C1QTNF3: variants seen among roughly 807,000 people sequenced by gnomAD.
The protein encoded by C1QTNF3 is complement C1q tumor necrosis factor-related protein 3.
C1QTNF3 carries 26 observed loss-of-function variants against 32.6 expected under a neutral mutation model. That is an observed-to-expected ratio of 0.80 (90% confidence interval 0.58 to 1.11). The LOEUF (loss-of-function observed/expected upper bound fraction) is 1.11. C1QTNF3 is among the 50% of genes least tolerant of loss of function. The pLI is 0.00. For synonymous variants in C1QTNF3, 155 were observed against 146.0 expected (o/e 1.06, Z -0.44); for missense variants, 362 against 398.2 (o/e 0.91, Z 0.77).
chr5:34,066,356 C>CTACT, the C1QTNF3 span, among the ~76,000 whole-genome samples: 1 of 152,162 alleles, frequency 6.6e-6, no homozygotes, highest in South Asian at 2.1e-4. Flanking sequence ...GACAAGCTAC[C>CTACT]TACTGTATCA....
At chr5:34,175,235 G>C in the C1QTNF3 span, among the ~76,000 whole-genome samples, 1 of 151,538 alleles carries the variant, frequency 6.6e-6, no homozygotes, top group African/African-American at 2.4e-5. Flanking sequence ...GTAGAGATGG[G>C]GGTCCTCCTA....
At chr5:34,108,036 G>C in the C1QTNF3 span, among the ~76,000 whole-genome samples, 1 of 152,034 alleles carries the variant, frequency 6.6e-6, no homozygotes, top group Admixed American at 6.6e-5. Context: ...AGAGGAAAGA[G>C]GAAAAGAAAG....
chr5:34,121,292 A>G, the C1QTNF3 span, among the ~76,000 whole-genome samples: 14 of 152,166 alleles, frequency 9.2e-5, no homozygotes, highest in African/African-American at 3.1e-4. Context: ...GTTGTTGTTA[A>G]CAAATAACTC....
chr5:34,204,438 T>C, the C1QTNF3 span, among the ~76,000 whole-genome samples: 1 of 152,228 alleles, frequency 6.6e-6, no homozygotes, highest in African/African-American at 2.4e-5. Context: ...TCATGTCTTT[T>C]GTAACAACAT....
the C1QTNF3 span, among the ~76,000 whole-genome samples, chr5:34,177,788 C>A: frequency 6.6e-6 from 1 of 151,838 alleles, no homozygotes; most frequent in African/African-American, 2.4e-5. Context: ...CACCCAGCCA[C>A]AACTCATCTT....
At chr5:34,124,485 C>G in the C1QTNF3 span, 1 of 715,340 alleles carries the variant, frequency 1.4e-6, no homozygotes, top group South Asian at 1.5e-5. Context: ...AGGCCCGTCA[C>G]GATGAGACCA....
At chr5:34,075,062 A>G in the C1QTNF3 span, among the ~76,000 whole-genome samples, 1 of 151,826 alleles carries the variant, frequency 6.6e-6, no homozygotes, top group Non-Finnish European at 1.5e-5. Context: ...TTTTAAACAG[A>G]AAAAAAGAAT....
chr5:34,211,636 C>G, the C1QTNF3 span, among the ~76,000 whole-genome samples: 1 of 147,524 alleles, frequency 6.8e-6, no homozygotes, highest in Non-Finnish European at 1.5e-5. Flanking sequence ...GTGAGAACAT[C>G]CGGTGTTTGG....
chr5:34,099,473 A>G, the C1QTNF3 span, among the ~76,000 whole-genome samples: 1 of 152,138 alleles, frequency 6.6e-6, no homozygotes, highest in Non-Finnish European at 1.5e-5. Context: ...TGAAAATGTC[A>G]ACTTAAAGGC....
chr5:34,072,074 TAAAG>T, the C1QTNF3 span, among the ~76,000 whole-genome samples: 1 of 151,996 alleles, frequency 6.6e-6, no homozygotes, highest in Non-Finnish European at 1.5e-5. Flanking sequence ...TGATTATAAT[TAAAG>T]ATTTATATCA....
chr5:34,228,680 G>A, the C1QTNF3 span, among the ~76,000 whole-genome samples: 21 of 151,744 alleles, frequency 1.4e-4, no homozygotes, highest in African/African-American at 4.3e-4. Flanking sequence ...ATGAGATATC[G>A]GTATCTGCAA....
chr5:34,029,050 T>C, intron 3 of C1QTNF3, 167 bp from the exon 4 acceptor site: 1 of 485,018 alleles, frequency 2.1e-6, no homozygotes, highest in Non-Finnish European at 3.6e-6. Context: ...ATTTGAATGC[T>C]ATGCAGCCAT....
chr5:34,089,305 T>C, the C1QTNF3 span, among the ~76,000 whole-genome samples: 1 of 152,086 alleles, frequency 6.6e-6, no homozygotes, highest in African/African-American at 2.4e-5. Flanking sequence ...ATGATCAAAA[T>C]GTTTGTGTCC....
chr5:34,059,253 C>T, the C1QTNF3 span, among the ~76,000 whole-genome samples: 4 of 152,042 alleles, frequency 2.6e-5, no homozygotes, highest in East Asian at 7.7e-4. Context: ...CATGGTCGTC[C>T]ATGTGTGCAC....
At chr5:34,241,979 AG>A in the C1QTNF3 span, among the ~76,000 whole-genome samples, 1 of 149,698 alleles carries the variant, frequency 6.7e-6, no homozygotes, top group Admixed American at 6.7e-5. Context: ...GAAGGAAGGA[AG>A]GAAGGAAGGA....
At chr5:34,218,745 G>T in the C1QTNF3 span, among the ~76,000 whole-genome samples, 23 of 152,090 alleles carry the variant, frequency 1.5e-4, no homozygotes, top group Non-Finnish European at 3.1e-4. Context: ...AGGTAAACGA[G>T]ATATTTCACT....
the C1QTNF3 span, among the ~76,000 whole-genome samples, chr5:34,126,866 C>T: frequency 6.6e-6 from 1 of 152,144 alleles, no homozygotes; most frequent in Admixed American, 6.5e-5. Context: ...TTGTAATCCC[C>T]ACATTTCAGG....
At chr5:34,099,451 T>C in the C1QTNF3 span, among the ~76,000 whole-genome samples, 3 of 152,284 alleles carry the variant, frequency 2.0e-5, no homozygotes, top group Admixed American at 1.3e-4. Flanking sequence ...TCATACCATA[T>C]GAAAAACAGT....
the C1QTNF3 span, among the ~76,000 whole-genome samples, chr5:34,153,080 A>C: frequency 1.0e-3 from 1 of 970 alleles, no homozygotes; most frequent in African/African-American, 4.2e-3. Context: ...GAAGACATTT[A>C]TGCAGCCAAA....
Sources: allele counts gnomAD v4.1 joint callset (sites outside exome capture counted in the v4.1 genomes callset), GRCh38; gene constraint gnomAD v4.1.1; transcripts MANE v1.5; gene names NCBI Gene and HGNC (gene_info 2026-07-23, HGNC 2026-07-21).